Variants in SEPTIN2 observed in about 807,000 individuals in gnomAD.
SEPTIN2 encodes the protein septin 2, also known as septin-2.
Under a neutral mutation model 46.5 loss-of-function variants are expected in SEPTIN2, and 34 were observed. The ratio of observed to expected loss-of-function variants is 0.73; its 90% CI spans 0.56 to 0.97. The LOEUF is 0.97. SEPTIN2 is among the 50% of genes least tolerant of loss of function. SEPTIN2 has a pLI of 0.00. For synonymous variants in SEPTIN2, 175 were observed against 153.4 expected (o/e 1.14, Z -1.04); for missense variants, 347 against 448.4 (o/e 0.77, Z 2.04).
At chr2:241,345,586 A>C (rs2081910648) in intron 9 of SEPTIN2, among the ~76,000 whole-genome samples, 1 of 152,196 alleles carries the variant, frequency 6.6e-6, no homozygotes, top group Non-Finnish European at 1.5e-5. Flanking sequence ...TATTTTGAAT[A>C]AGCTAGGCAA....
chr2:241,341,197 C>T (rs572339591), intron 7 of SEPTIN2, among the ~76,000 whole-genome samples: 118 of 152,200 alleles, frequency 7.8e-4, no homozygotes, highest in Non-Finnish European at 1.3e-3. Context: ...CTGATTTGCC[C>T]TTCCAGGTAT....
chr2:241,335,948 TC>T, intron 4 of SEPTIN2, 26 bp from the exon 5 acceptor site: 1 of 1,614,074 alleles, frequency 6.2e-7, no homozygotes, highest in East Asian at 2.2e-5. Flanking sequence ...CTGCTTATAT[TC>T]CCTATTAAGT....
Position 241,352,944 on chromosome 2 carries a change from T to C in SEPTIN2, c.*1007T>C, listed in dbSNP as rs1056653956. On this transcript the variant is annotated 3_prime_UTR_variant, in exon 13 of 13. Coordinates refer to ENST00000391971, the MANE Select transcript of SEPTIN2 (RefSeq NM_004404.5). Reference sequence around the variant, plus strand: ...AGAAGATCTGCCTCCCCTGTGGAAATTGGGGTCTGTTGGTGGGCGTGCCCC... The same window carrying C: ...AGAAGATCTGCCTCCCCTGTGGAAACTGGGGTCTGTTGGTGGGCGTGCCCC... 1.3e-5 allele frequency: 2 copies of C among 152,220 alleles called. No individual in the cohort carries two copies. Among genetic ancestry groups the C allele is most frequent in the African/African-American group, 2.4e-5 (1 of 41,448 alleles). The allele number at this position is 152,220 out of a possible 1,614,324, so 9.4% of individuals were successfully genotyped here.
chr2:241,346,159 C>T lies in SEPTIN2; in HGVS notation c.843-7C>T, dbSNP rs776927416. The T allele has an allele frequency of 2.5e-6, 4 of 1,612,172 alleles. No homozygotes were observed. Among genetic ancestry groups the T allele is most frequent in the East Asian group, 4.5e-5 (2 of 44,846 alleles). On this transcript the variant is annotated splice_region_variant and splice_polypyrimidine_tract_variant and intron_variant, in intron 9 of 12. Coordinates refer to ENST00000391971, the MANE Select transcript of SEPTIN2 (RefSeq NM_004404.5). Reference sequence around the variant, plus strand: ...TGCCACCTTGGTGCATTCCTCTTCTCTTTCAGCACCCACATGCAGGATCTC... The same window carrying T: ...TGCCACCTTGGTGCATTCCTCTTCTTTTTCAGCACCCACATGCAGGATCTC...
chr2:241,317,578 C>G lies in SEPTIN2; in HGVS notation c.-18+1596C>G, dbSNP rs572582402. On this transcript the variant is annotated intron_variant, in intron 1 of 12. Transcript: ENST00000391971. ...GTCTGGAGGAATGGGGACACCAAAA[C>G]TCATTTGGCAGCAGAGGTGAGGTAA... The G allele has an allele frequency of 2.5e-5, 24 of 965,592 alleles. No homozygotes were observed. The East Asian group carries it at 2.8e-3, about 114-fold the overall frequency. 59.8% of individuals were successfully genotyped at this position (965,592 alleles called of 1,614,324 possible). A position where few individuals can be genotyped will look rare whatever the true frequency, so the allele number is the denominator to read the frequency against.
chr2:241,318,821 C>G (rs920574722), intron 1 of SEPTIN2, among the ~76,000 whole-genome samples: 1 of 151,906 alleles, frequency 6.6e-6, no homozygotes, highest in African/African-American at 2.4e-5. Context: ...CCTCAGCCTC[C>G]TGGGTAGCTG....
At chr2:241,328,557 A>G (rs1446512556) in intron 3 of SEPTIN2, among the ~76,000 whole-genome samples, 1 of 151,194 alleles carries the variant, frequency 6.6e-6, no homozygotes, top group Admixed American at 6.6e-5. Context: ...ACCAACATGG[A>G]GAAATCCTGC....
intron 3 of SEPTIN2, among the ~76,000 whole-genome samples, chr2:241,327,321 C>A (rs1389221143): frequency 6.6e-6 from 1 of 151,016 alleles, no homozygotes; most frequent in African/African-American, 2.4e-5. Flanking sequence ...GATTAAGATA[C>A]AACCGAAATA....
At chr2:241,346,044 G>A (rs1264312328) in intron 9 of SEPTIN2, 122 bp from the exon 10 acceptor site, 6 of 651,938 alleles carry the variant, frequency 9.2e-6, no homozygotes, top group African/African-American at 7.3e-5. Context: ...GCAGCTTTAT[G>A]TACAATTTAC....
At chr2:241,342,439 T>C (rs867526411) in intron 7 of SEPTIN2, among the ~76,000 whole-genome samples, 105 of 152,164 alleles carry the variant, frequency 6.9e-4, no homozygotes, top group African/African-American at 2.5e-3. Context: ...GCTTTGTACA[T>C]TGAGGGTAGT....
chr2:241,343,398 C>CT (rs895510147), intron 8 of SEPTIN2, among the ~76,000 whole-genome samples: 2 of 151,834 alleles, frequency 1.3e-5, no homozygotes, highest in African/African-American at 4.8e-5. Context: ...ACTCGGGAGG[C>CT]TAAGGCAGGA....
At chr2:241,350,999 A>G (rs547862940) in intron 12 of SEPTIN2, among the ~76,000 whole-genome samples, 7 of 152,318 alleles carry the variant, frequency 4.6e-5, no homozygotes, top group African/African-American at 1.7e-4. Context: ...CAAACCTCAT[A>G]CAAGAGATCT....
intron 11 of SEPTIN2, among the ~76,000 whole-genome samples, chr2:241,349,383 A>ATAT (rs59395303): frequency 3.4e-5 from 5 of 148,618 alleles, no homozygotes; most frequent in Non-Finnish European, 5.9e-5. Context: ...AAAAAAAAAA[A>ATAT]ATATATATAT....
Position 241,336,074 on chromosome 2 carries a change from G to T in SEPTIN2, c.317G>T (p.Gly106Val). 1 of 1,614,216 alleles carries T rather than the reference G, an allele frequency of 6.2e-7. No homozygotes were observed. The highest frequency in any genetic ancestry group is 8.5e-7 in the Non-Finnish European group (1 of 1,180,040). The stretch of plus-strand genomic sequence containing the variant: ...ACAGTGGTAGATACCCCTGGCTATG[G>T]TGACGCTATCAACTGCAGAGATTGG... The part of the protein sequence containing the change: ...RLTVVDTPGY[G>V]DAINCRDCFK... The change falls in exon 5 of 13, where the codon GGT becomes GTT. Residue 106 changes from glycine (G) to valine (V), a missense_variant. Physicochemically the swap from Gly to Val is moderately radical, Grantham distance 109. Transcript: ENST00000391971.
intron 1 of SEPTIN2, among the ~76,000 whole-genome samples, chr2:241,322,297 A>G (rs112249051): frequency 6.6e-6 from 1 of 152,220 alleles, no homozygotes; most frequent in African/African-American, 2.4e-5. Flanking sequence ...GGTTTCTAAA[A>G]TTTGTTTAAA....
intron 7 of SEPTIN2, among the ~76,000 whole-genome samples, chr2:241,338,464 G>A (rs2080404710): frequency 6.6e-6 from 1 of 150,636 alleles, no homozygotes; most frequent in Non-Finnish European, 1.5e-5. Flanking sequence ...ATACCGATCT[G>A]TGCGTGTAAT....
At position 241,324,217 on chromosome 2, in the gene SEPTIN2, C is replaced by A; in HGVS notation, c.-16C>A. On this transcript the variant is annotated splice_region_variant and 5_prime_UTR_variant, in exon 2 of 13. Transcript: ENST00000391971. ...GTCTGTGTGTTTTTTTTTTAACAGA[C>A]GAAGCTTCACAAAAGATGTCTAAGG... 1 of 1,609,520 alleles carries A rather than the reference C, an allele frequency of 6.2e-7. No individual in the cohort carries two copies. Among genetic ancestry groups the A allele is most frequent in the Non-Finnish European group, 8.5e-7 (1 of 1,178,478 alleles).
At chr2:241,341,903 A>T (rs1372840668) in intron 7 of SEPTIN2, among the ~76,000 whole-genome samples, 1 of 152,200 alleles carries the variant, frequency 6.6e-6, no homozygotes, top group East Asian at 1.9e-4. Flanking sequence ...CCACCATGCA[A>T]TGAGCATTTG....
At chr2:241,322,226 A>G (rs2077234685) in intron 1 of SEPTIN2, among the ~76,000 whole-genome samples, 2 of 152,188 alleles carry the variant, frequency 1.3e-5, no homozygotes. Flanking sequence ...GACAGCAGTC[A>G]TCTTTCTTGG....
Sources: gnomAD v4.1 joint callset for allele counts (sites outside exome capture counted in the v4.1 genomes callset) on GRCh38, gnomAD v4.1.1 for gene constraint, MANE v1.5 for transcripts, NCBI Gene and HGNC (gene_info 2026-07-23, HGNC 2026-07-21) for gene names.